Variants in ERBB4 observed in about 807,000 individuals in gnomAD.
The protein encoded by ERBB4 is receptor tyrosine-protein kinase erbB-4.
In ERBB4, 42 loss-of-function variants were observed where a neutral mutation model predicts 158.0. The ratio of observed to expected loss-of-function variants is 0.27; its 90% CI spans 0.21 to 0.34. The LOEUF (loss-of-function observed/expected upper bound fraction) is 0.34. Ranked by LOEUF, ERBB4 falls within the 10% of genes least tolerant of loss-of-function variation. The pLI is 1.00. For synonymous variants in ERBB4, 583 were observed against 558.7 expected (o/e 1.04, Z -0.61); for missense variants, 1,333 against 1,624.1 (o/e 0.82, Z 3.08).
chr2:212,133,156 A>G (rs1443741819), intron 1 of ERBB4, among the ~76,000 whole-genome samples: 1 of 151,998 alleles, frequency 6.6e-6, no homozygotes, highest in Non-Finnish European at 1.5e-5. Context: ...TTCATTCTCC[A>G]CACAGAGGCC....
At chr2:211,715,031 G>A (rs544748973) in intron 7 of ERBB4, among the ~76,000 whole-genome samples, 148 of 152,306 alleles carry the variant, frequency 9.7e-4, no homozygotes, top group Middle Eastern at 3.4e-3. Flanking sequence ...CAGCTTCTCT[G>A]TCTGCCATCT....
At chr2:212,126,267 C>A (rs2079923427) in intron 1 of ERBB4, among the ~76,000 whole-genome samples, 1 of 151,954 alleles carries the variant, frequency 6.6e-6, no homozygotes, top group Admixed American at 6.6e-5. Context: ...AGTTCCCAAC[C>A]TAGCCAACAT....
At chr2:212,507,356 G>A (rs1404650430) in intron 1 of ERBB4, among the ~76,000 whole-genome samples, 6 of 152,044 alleles carry the variant, frequency 3.9e-5, no homozygotes, top group Non-Finnish European at 7.4e-5. Context: ...TCATTACTTT[G>A]AATCAAGAAG....
At chr2:211,596,173 C>T (rs2068624266) in intron 19 of ERBB4, among the ~76,000 whole-genome samples, 1 of 151,546 alleles carries the variant, frequency 6.6e-6, no homozygotes, top group Non-Finnish European at 1.5e-5. Flanking sequence ...TATAAGATGT[C>T]ATTTGGGAGA....
At chr2:211,634,018 G>A (rs1243700665) in intron 16 of ERBB4, among the ~76,000 whole-genome samples, 1 of 152,162 alleles carries the variant, frequency 6.6e-6, no homozygotes, top group African/African-American at 2.4e-5. Flanking sequence ...AATCAGCTGG[G>A]CGTGGTGGCA....
intron 18 of ERBB4, among the ~76,000 whole-genome samples, chr2:211,621,988 T>C: frequency 6.6e-6 from 1 of 152,150 alleles, no homozygotes; most frequent in South Asian, 2.1e-4. Flanking sequence ...GGAAAAATCC[T>C]GCAATCAATC....
chr2:211,544,584 A>G (rs1246081706), intron 20 of ERBB4, among the ~76,000 whole-genome samples: 1 of 152,060 alleles, frequency 6.6e-6, no homozygotes, highest in Non-Finnish European at 1.5e-5. Context: ...GTAAAATGAG[A>G]AGGAAGTAAA....
chr2:212,276,573 G>C (rs1359431078), intron 1 of ERBB4, among the ~76,000 whole-genome samples: 2 of 151,760 alleles, frequency 1.3e-5, no homozygotes, highest in Non-Finnish European at 2.9e-5. Flanking sequence ...TGTGCACAGA[G>C]ATTATGGTCA....
intron 1 of ERBB4, among the ~76,000 whole-genome samples, chr2:212,152,629 TC>T (rs2080907650): frequency 6.6e-6 from 1 of 152,172 alleles, no homozygotes. Flanking sequence ...ATACTGATGA[TC>T]CCCATATTTC....
At chr2:212,126,753 T>C (rs183770012) in intron 1 of ERBB4, among the ~76,000 whole-genome samples, 2 of 152,230 alleles carry the variant, frequency 1.3e-5, no homozygotes, top group East Asian at 3.9e-4. Flanking sequence ...CATTCATGTC[T>C]TATATACACA....
chr2:212,193,648 C>T (rs2082340671), intron 1 of ERBB4, among the ~76,000 whole-genome samples: 1 of 151,754 alleles, frequency 6.6e-6, no homozygotes, highest in Non-Finnish European at 1.5e-5. Flanking sequence ...AATCATATTA[C>T]TCATATATGA....
chr2:211,442,989 C>T (rs2064022816), intron 20 of ERBB4, among the ~76,000 whole-genome samples: 1 of 151,994 alleles, frequency 6.6e-6, no homozygotes, highest in African/African-American at 2.4e-5. Context: ...TGACCCTCCT[C>T]ACATTTACCA....
chr2:212,097,930 A>C (rs1273546730), intron 2 of ERBB4, among the ~76,000 whole-genome samples: 4 of 152,178 alleles, frequency 2.6e-5, no homozygotes, highest in African/African-American at 9.7e-5. Context: ...TGGGGTCTTG[A>C]CTTCGAACAT....
At chr2:211,467,256 G>A (rs200553538) in intron 20 of ERBB4, among the ~76,000 whole-genome samples, 1 of 152,132 alleles carries the variant, frequency 6.6e-6, no homozygotes, top group East Asian at 1.9e-4. Context: ...GAAAGCAAGA[G>A]AACTGGTTTC....
intron 20 of ERBB4, among the ~76,000 whole-genome samples, chr2:211,540,018 C>G (rs149747036): frequency 3.0e-3 from 449 of 151,878 alleles, no homozygotes; most frequent in African/African-American, 0.01. Context: ...CTGGATATAT[C>G]CATAAGTCAT....
At chr2:212,050,470 T>C (rs926795742) in intron 2 of ERBB4, among the ~76,000 whole-genome samples, 1 of 152,206 alleles carries the variant, frequency 6.6e-6, no homozygotes, top group Non-Finnish European at 1.5e-5. Flanking sequence ...GGAATAGTCC[T>C]CCTGGTTTGA....
At chr2:212,263,668 T>G (rs762290146) in intron 1 of ERBB4, among the ~76,000 whole-genome samples, 1 of 152,052 alleles carries the variant, frequency 6.6e-6, no homozygotes, top group Non-Finnish European at 1.5e-5. Context: ...AATATAATTT[T>G]ATGCTTAATA....
At chr2:212,327,978 C>T (rs2087939530) in intron 1 of ERBB4, among the ~76,000 whole-genome samples, 2 of 150,136 alleles carry the variant, frequency 1.3e-5, no homozygotes, top group African/African-American at 4.9e-5. Flanking sequence ...AAATCCAAAA[C>T]AGTTTTCCAG....
chr2:211,549,710 ACAC>A (rs1322341186), intron 20 of ERBB4, among the ~76,000 whole-genome samples: 1 of 152,140 alleles, frequency 6.6e-6, no homozygotes, highest in African/African-American at 2.4e-5. Flanking sequence ...TGAGCAATAA[ACAC>A]TTATGTGTCA....
Sources: gnomAD v4.1 joint callset for allele counts (sites outside exome capture counted in the v4.1 genomes callset) on GRCh38, gnomAD v4.1.1 for gene constraint, MANE v1.5 for transcripts, NCBI Gene and HGNC (gene_info 2026-07-23, HGNC 2026-07-21) for gene names.